SUSD2: variants seen among roughly 807,000 people sequenced by gnomAD.
The protein encoded by SUSD2 is sushi domain-containing protein 2.
Under a neutral mutation model 93.8 loss-of-function variants are expected in SUSD2, and 86 were observed. The ratio of observed to expected loss-of-function variants is 0.92; its 90% CI spans 0.77 to 1.10. The LOEUF (loss-of-function observed/expected upper bound fraction) is 1.10, where lower values mean the gene tolerates loss of function less well. Ranked by LOEUF, SUSD2 falls within the 50% of genes least tolerant of loss-of-function variation. The pLI is 0.00. For synonymous variants in SUSD2, 483 were observed against 485.0 expected (o/e 1.00, Z 0.05); for missense variants, 1,060 against 1,137.0 (o/e 0.93, Z 0.97).
Position 24,185,282 on chromosome 22 carries a change from C to T in SUSD2, c.971C>T (p.Ser324Phe), listed in dbSNP as rs2047354189. Residue 324 changes from serine (S) to phenylalanine (F), a missense_variant, in exon 6 of 15, where the codon TCC becomes TTC. Ser to Phe is a radical substitution (Grantham distance 155). Coordinates refer to ENST00000358321, the MANE Select transcript of SUSD2 (RefSeq NM_019601.4). ...ACCCTGACCCAGGCCCGGGCTGACT[C>T]CGGCCGCTTCTTCGTGAGCCTCCCA... is the stretch of plus-strand genomic sequence containing the variant. ...PCTLTQARAD[S>F]GRFFTDYGCD... is the part of the protein sequence containing the mutation. 3.1e-6 allele frequency: 5 copies of T among 1,604,036 alleles called. No individual in the cohort carries two copies. Among genetic ancestry groups the T allele is most frequent in the Non-Finnish European group, 4.2e-6 (5 of 1,179,716 alleles).
intron 10 of SUSD2, chr22:24,186,640 C>T: frequency 1.7e-6 from 1 of 587,168 alleles, no homozygotes; most frequent in Non-Finnish European, 3.0e-6. Context: ...TACGGAGGAT[C>T]CCGGGAGCCT....
At chr22:24,185,621 T>TGAC in intron 7 of SUSD2, 40 bp from the exon 8 acceptor site, 2 of 1,607,328 alleles carry the variant, frequency 1.2e-6, no homozygotes, top group Non-Finnish European at 1.7e-6. Context: ...AGGGGTGGGC[T>TGAC]CCCAACAGTG....
In SUSD2 at chr22:24,186,160, G is replaced by A. The variant is rs528824846; in HGVS notation, c.1483+1G>A. The A allele has an allele frequency of 5.6e-6, 9 of 1,609,038 alleles. No individual in the cohort carries two copies. The highest frequency in any genetic ancestry group is 7.6e-6 in the Non-Finnish European group (9 of 1,177,768). Reference sequence around the variant, plus strand: ...GCCCAGCCCGGGACGATGTCCAACGGTGAGGCCAGGGCTAGGGGCTGCTCT... The same window carrying A: ...GCCCAGCCCGGGACGATGTCCAACGATGAGGCCAGGGCTAGGGGCTGCTCT... On this transcript the variant is annotated splice_donor_variant, in intron 9 of 14. Transcript: ENST00000358321. LOFTEE classifies it high-confidence loss of function.
chr22:24,186,396 G>A lies in SUSD2; in HGVS notation c.1623G>A (p.Gln541=). The stretch of plus-strand genomic sequence containing the variant: ...AGGAGGTGCTGAGCTTCACCGAGCA[G>A]AGCTGGATGGACCTGAAAGGTGAGC... ...LNQEVLSFTE[Q]SWMDLKGMFL... is the part of the protein sequence containing the mutation. Residue 541 remains glutamine, a synonymous_variant, in exon 10 of 15, where the codon CAG becomes CAA. Coordinates refer to ENST00000358321, the MANE Select transcript of SUSD2 (RefSeq NM_019601.4). 6.2e-7 allele frequency: 1 copy of A among 1,613,492 alleles called. No individual in the cohort carries two copies. The highest frequency in any genetic ancestry group is 8.5e-7 in the Non-Finnish European group (1 of 1,180,022).
At chr22:24,183,306 C>G in intron 2 of SUSD2, 39 bp downstream of exon 2, 1 of 1,575,492 alleles carries the variant, frequency 6.3e-7, no homozygotes. Context: ...GGGCCCCACG[C>G]CCCCATCCCT....
rs1451494570 is a variant in SUSD2 at position 24,184,005 on chromosome 22, G to A, written c.440-131G>A. 22 of 901,760 alleles carry A rather than the reference G, an allele frequency of 2.4e-5. No individual in the cohort carries two copies. In the Middle Eastern group the frequency reaches 1.0e-3, roughly 42 times the overall value. 55.9% of individuals were successfully genotyped at this position (901,760 alleles called of 1,614,324 possible). A position where few individuals can be genotyped will look rare whatever the true frequency, so the allele number is the denominator to read the frequency against. On this transcript the variant is annotated intron_variant, in intron 3 of 14. Transcript: ENST00000358321. Reference sequence around the variant, plus strand: ...CTCAGCGTCCTTTTCTGCTGTGCGGGCCAGAGAGACCATCACCCAGCTGCT... The same window carrying A: ...CTCAGCGTCCTTTTCTGCTGTGCGGACCAGAGAGACCATCACCCAGCTGCT...
rs1438628781 is a variant in SUSD2 at position 24,188,217 on chromosome 22, C to A, written c.2342-8C>A. The A allele has an allele frequency of 3.1e-6, 5 of 1,591,866 alleles. No homozygotes were observed. Among genetic ancestry groups the A allele is most frequent in the Non-Finnish European group, 4.3e-6 (5 of 1,166,166 alleles). On this transcript the variant is annotated splice_polypyrimidine_tract_variant and splice_region_variant and intron_variant, in intron 13 of 14. Coordinates refer to ENST00000358321, the MANE Select transcript of SUSD2 (RefSeq NM_019601.4). This position sits in a 1 kb window ranked among gnomAD's most constrained non-coding sequence, Gnocchi z 4.7. ...GAGCCCCCTCACTGACACTCGCTCC[C>A]TCACCAGGACGCAGCTACGCGGTGC...
chr22:24,181,685 G>A, intron 1 of SUSD2, 90 bp downstream of exon 1: 2 of 1,044,400 alleles, frequency 1.9e-6, no homozygotes, highest in Non-Finnish European at 2.7e-6. Context: ...CTCAGCCTCT[G>A]TCCATCTGTC....
rs764182394 is a variant in SUSD2 at position 24,185,096 on chromosome 22, A to T, written c.785A>T (p.Asp262Val). The change falls in exon 6 of 15, where the codon GAC becomes GTC. Residue 262 changes from aspartate (D) to valine (V), a missense_variant and splice_region_variant. Asp to Val is a radical substitution (Grantham distance 152). Transcript: ENST00000358321. ...CTCCAGCATCATCACCTCCACAGGG[A>T]CGTGCAGGCGCTCTGGACCAACGAC... is the stretch of plus-strand genomic sequence containing the variant. ...IDSKNYAGQK[D>V]VQALWTNDHA... 6.2e-7 allele frequency: 1 copy of T among 1,612,924 alleles called. No homozygotes were observed. Among genetic ancestry groups the T allele is most frequent in the Admixed American group, 1.7e-5 (1 of 60,002 alleles).
At position 24,188,216 on chromosome 22, in the gene SUSD2, C is replaced by A. The variant is rs376744345; in HGVS notation, c.2342-9C>A. On this transcript the variant is annotated splice_polypyrimidine_tract_variant and intron_variant, in intron 13 of 14. Transcript: ENST00000358321. This position sits in a 1 kb window ranked among gnomAD's most constrained non-coding sequence, Gnocchi z 4.7. ...AGAGCCCCCTCACTGACACTCGCTC[C>A]CTCACCAGGACGCAGCTACGCGGTG... is the stretch of plus-strand genomic sequence containing the variant. 4 of 1,592,090 alleles carry A rather than the reference C, an allele frequency of 2.5e-6. No individual in the cohort carries two copies. The African/African-American group carries it at 5.4e-5, about 21-fold the overall frequency.
At position 24,188,399 on chromosome 22, in the gene SUSD2, G is replaced by T. The variant is rs748335145; in HGVS notation, c.2445-13G>T. 2 of 1,611,562 alleles carry T rather than the reference G, an allele frequency of 1.2e-6. No homozygotes were observed. Among genetic ancestry groups the T allele is most frequent in the South Asian group, 1.1e-5 (1 of 91,062 alleles). On this transcript the variant is annotated splice_polypyrimidine_tract_variant and intron_variant, in intron 14 of 14. Coordinates refer to ENST00000358321, the MANE Select transcript of SUSD2 (RefSeq NM_019601.4). This position sits in a 1 kb window ranked among gnomAD's most constrained non-coding sequence, Gnocchi z 4.7. ...GACCACCGAGGCTACTTCTAACTGC[G>T]TTTCTGTTGCAGGCACGTCTGGGGT...
At chr22:24,184,692 G>C in intron 4 of SUSD2, 74 bp from the exon 5 acceptor site, 1 of 1,276,872 alleles carries the variant, frequency 7.8e-7, no homozygotes, top group Non-Finnish European at 1.1e-6. Flanking sequence ...CATCTGTCAG[G>C]CTGCTGTAGG....
chr22:24,185,319 G>A, intron 6 of SUSD2, 24 bp downstream of exon 6: 1 of 1,597,462 alleles, frequency 6.3e-7, no homozygotes, highest in Non-Finnish European at 8.5e-7. Flanking sequence ...CAGGGCCCAG[G>A]AGAGGGGATG....
At position 24,188,255 on chromosome 22, in the gene SUSD2, T is replaced by C. The variant is rs1272087483; in HGVS notation, c.2372T>C (p.Ile791Thr). ...AGCTACGCGGTGCTGTTGGGCATCA[T>C]CTTTGGGGGCCTCGCGGTGGTGGCG... ...GRSYAVLLGI[I>T]FGGLAVVAAV... The change falls in exon 14 of 15, where the codon ATC (isoleucine) becomes ACC (threonine). Residue 791 changes from isoleucine (I) to threonine (T), a missense_variant. This residue lies in a region of SUSD2 where 973 missense variants were observed against 1,005.3 expected (regional missense o/e 0.97). Coordinates refer to ENST00000358321, the MANE Select transcript of SUSD2 (RefSeq NM_019601.4). This position sits in a 1 kb window ranked among gnomAD's most constrained non-coding sequence, Gnocchi z 4.7. 1 of 1,604,648 alleles carries C rather than the reference T, an allele frequency of 6.2e-7. No individual in the cohort carries two copies. Among genetic ancestry groups the C allele is most frequent in the South Asian group, 1.1e-5 (1 of 90,214 alleles).
chr22:24,186,569 G>GC, intron 10 of SUSD2, 154 bp downstream of exon 10: 1 of 887,282 alleles, frequency 1.1e-6, no homozygotes, highest in Non-Finnish European at 1.7e-6. Context: ...CCACCGAGGT[G>GC]CCCCCGTCGT....
rs1312076050 is a variant in SUSD2, at chr22:24,185,533, C to T, written c.1032C>T (p.His344=). 6.3e-7 allele frequency: 1 copy of T among 1,582,792 alleles called. No homozygotes were observed. The highest frequency in any genetic ancestry group is 8.6e-7 in the Non-Finnish European group (1 of 1,164,506). The stretch of plus-strand genomic sequence containing the variant: ...AGCAGGGCAGCGTGTGCACCTACCA[C>T]CCCGGGGCCGTGCACTGTGTGCGTT... The part of the protein sequence containing the change: ...DMEQGSVCTY[H]PGAVHCVRSV... The change falls in exon 7 of 15, where the codon CAC becomes CAT. Residue 344 remains histidine (H), a synonymous_variant. Transcript: ENST00000358321.
rs139022275 is a variant in SUSD2, at chr22:24,185,703, C to T, written c.1113C>T (p.Asp371=). The T allele has an allele frequency of 7.8e-5, 125 of 1,610,818 alleles. 1 individual carries two copies. In the African/African-American group the frequency reaches 7.9e-4, roughly 10 times the overall value. The change falls in exon 8 of 15, where the codon GAC becomes GAT. Residue 371 remains aspartate (D), a synonymous_variant. Coordinates refer to ENST00000358321, the MANE Select transcript of SUSD2 (RefSeq NM_019601.4). ...GSGQQCCYTA[D]GTQLLTADSS... ...GTCAGCAGTGCTGCTACACAGCGGA[C>T]GGGACGCAGCTCCTGACAGCTGACT...
intron 10 of SUSD2, chr22:24,186,766 G>T: frequency 2.4e-6 from 1 of 412,998 alleles, no homozygotes; most frequent in Non-Finnish European, 4.5e-6. Flanking sequence ...GCCCTGCACG[G>T]TTAAGGATGC....
At chr22:24,186,934 A>G in intron 10 of SUSD2, 1 of 548,278 alleles carries the variant, frequency 1.8e-6, no homozygotes, top group Non-Finnish European at 3.3e-6. Context: ...TGGCTGCTGC[A>G]GCCAAGGCCA....
Sources: allele counts gnomAD v4.1 joint callset, GRCh38; gene constraint gnomAD v4.1.1; regional missense constraint gnomAD v4.1.1; non-coding constraint Gnocchi (gnomAD v3.1); transcripts MANE v1.5; gene names NCBI Gene and HGNC (gene_info 2026-07-23, HGNC 2026-07-21).